Variants in CD55 observed in about 807,000 individuals in gnomAD.
The protein encoded by CD55 is complement decay-accelerating factor.
Under a neutral mutation model 45.8 loss-of-function variants are expected in CD55, and 41 were observed. That is an observed-to-expected ratio of 0.90 (90% CI 0.70 to 1.16). CD55 has a LOEUF of 1.16. CD55 is among the 50% of genes most tolerant of loss of function. The pLI, the probability that CD55 is intolerant of heterozygous loss-of-function variation, is 0.00. For missense variants in CD55, 416 were observed against 469.8 expected (o/e 0.89, Z 1.06); for synonymous variants, 181 against 181.1 (o/e 1.00, Z 0.01).
chr1:207,325,188 A>T (rs1654618092), intron 3 of CD55, among the ~76,000 whole-genome samples: 1 of 152,020 alleles, frequency 6.6e-6, no homozygotes, highest in African/African-American at 2.4e-5. Context: ...TACAAAAACT[A>T]GCTGGGTGTG....
intron 9 of CD55, 117 bp downstream of exon 9, chr1:207,339,534 T>C (rs1655330267): frequency 7.6e-6 from 6 of 790,780 alleles, no homozygotes; most frequent in Non-Finnish European, 1.2e-5. Context: ...CTGCAATTTA[T>C]TTTTAAACTT....
At chr1:207,327,403 C>T (rs1044658501) in intron 5 of CD55, among the ~76,000 whole-genome samples, 5 of 151,928 alleles carry the variant, frequency 3.3e-5, no homozygotes, top group Non-Finnish European at 2.9e-5. Context: ...AAGCTTATAC[C>T]GTCAAGAAGA....
Position 207,322,578 on chromosome 1 carries a change from C to A in CD55, c.286+11C>A, listed in dbSNP as rs1286962479. 6.3e-6 allele frequency: 10 copies of A among 1,586,126 alleles called. No homozygotes were observed. Among genetic ancestry groups the A allele is most frequent in the Non-Finnish European group, 8.6e-6 (10 of 1,169,054 alleles). On this transcript the variant is annotated intron_variant, in intron 2 of 9. Coordinates refer to ENST00000367064, the MANE Select transcript of CD55 (RefSeq NM_000574.5). ...AAGAGTTCTGCAATCGTAAGTTCTT[C>A]ATCTTTTTAGAAAAGTTCTGGGAAT...
intron 9 of CD55, chr1:207,350,083 G>A (rs906537193): frequency 1.1e-5 from 5 of 453,828 alleles, no homozygotes; most frequent in Non-Finnish European, 2.2e-5. Context: ...GTTGAATGTT[G>A]TCAAAAGCCT....
At chr1:207,353,920 T>C in intron 9 of CD55, 1 of 1,256,928 alleles carries the variant, frequency 8.0e-7, no homozygotes, top group Non-Finnish European at 1.1e-6. Flanking sequence ...CTTTATTCTG[T>C]TACATTAAGT....
At chr1:207,325,551 C>G (rs954191678) in intron 3 of CD55, 71 bp from the exon 4 acceptor site, 50 of 869,122 alleles carry the variant, frequency 5.8e-5, no homozygotes, top group South Asian at 2.1e-4. Flanking sequence ...TCTACCACCT[C>G]ACATAGTTAC....
chr1:207,340,742 T>C, intron 9 of CD55: 1 of 463,418 alleles, frequency 2.2e-6, no homozygotes, highest in Non-Finnish European at 3.8e-6. Flanking sequence ...TGAATAGTGC[T>C]TCAATAAATA....
chr1:207,333,059 G>A (rs1655019674), intron 6 of CD55, among the ~76,000 whole-genome samples: 1 of 152,160 alleles, frequency 6.6e-6, no homozygotes, highest in African/African-American at 2.4e-5. Context: ...TTTCCTAAAG[G>A]CCATTTGCAA....
intron 5 of CD55, 111 bp downstream of exon 5, chr1:207,326,948 C>T (rs4844591): frequency 0.69 from 446,198 of 648,604 alleles, 155,984 homozygotes; most frequent in Middle Eastern, 0.81. Context: ...GCAAACCCAC[C>T]TTTCAATATA....
chr1:207,344,970 C>A (rs1343087632), intron 9 of CD55, among the ~76,000 whole-genome samples: 1 of 152,190 alleles, frequency 6.6e-6, no homozygotes, highest in Non-Finnish European at 1.5e-5. Flanking sequence ...CCTGCCTCGG[C>A]CTCCCAAAGT....
intron 5 of CD55, among the ~76,000 whole-genome samples, chr1:207,329,400 A>G (rs1177906927): frequency 6.6e-6 from 1 of 152,114 alleles, no homozygotes; most frequent in Non-Finnish European, 1.5e-5. Flanking sequence ...TTTCATCCAT[A>G]TTTTACCCAG....
chr1:207,321,870 G>A lies in CD55; in HGVS notation c.100+5G>A. On this transcript the variant is annotated splice_donor_5th_base_variant and intron_variant, in intron 1 of 9. Transcript: ENST00000367064. Reference sequence around the variant, plus strand: ...TGTGCCTGCCGGCCGTGTGGGGTGAGTAGGGGCCCGGCGGCCGGGGAAGCC... The same window carrying A: ...TGTGCCTGCCGGCCGTGTGGGGTGAATAGGGGCCCGGCGGCCGGGGAAGCC... 5 of 1,517,744 alleles carry A rather than the reference G, an allele frequency of 3.3e-6. No individual in the cohort carries two copies. Among genetic ancestry groups the A allele is most frequent in the African/African-American group, 2.8e-5 (2 of 71,898 alleles). The allele number at this position is 1,517,744 out of a possible 1,614,324, so 94.0% of individuals were successfully genotyped here. A position where few individuals can be genotyped will look rare whatever the true frequency, so the allele number is the denominator to read the frequency against.
rs192610509 is a variant in CD55 at position 207,342,171 on chromosome 1, G to A, written c.1081+2754G>A. Reference sequence around the variant, plus strand: ...AGGATTTTTTTTTACATATAAAATCGTATCATTAAAAAAGAGGGACAATTT... The same window carrying A: ...AGGATTTTTTTTTACATATAAAATCATATCATTAAAAAAGAGGGACAATTT... On this transcript the variant is annotated intron_variant, in intron 9 of 9. Coordinates refer to ENST00000367064, the MANE Select transcript of CD55 (RefSeq NM_000574.5). Among the ~76,000 whole-genome samples, 303 of 151,532 alleles carry A rather than the reference G, an allele frequency of 2.0e-3. 2 individuals carry two copies. The highest frequency in any genetic ancestry group is 6.5e-3 in the African/African-American group (269 of 41,392).
In CD55 at chr1:207,359,540, T is replaced by TTTTTTTTTG; in HGVS notation, c.1082-4_1082-3insTTTTTTGTT. On this transcript the variant is annotated splice_polypyrimidine_tract_variant and splice_region_variant and intron_variant, in intron 9 of 9. Coordinates refer to ENST00000367064, the MANE Select transcript of CD55 (RefSeq NM_000574.5). ...ACTTTTTTTTTTTTTTTTTTTTAAT[T>TTTTTTTTTG]TTCAGGGCACACGTGTTTCACGTTG... 1 of 1,508,844 alleles carries TTTTTTTTTG rather than the reference T, an allele frequency of 6.6e-7. No individual in the cohort carries two copies. The highest frequency in any genetic ancestry group is 1.6e-5 in the African/African-American group (1 of 63,958). 93.5% of individuals were successfully genotyped at this position (1,508,844 alleles called of 1,614,324 possible). A position where few individuals can be genotyped will look rare whatever the true frequency, so the allele number is the denominator to read the frequency against.
intron 1 of CD55, 46 bp from the exon 2 acceptor site, chr1:207,322,336 G>A (rs1452539813): frequency 1.3e-6 from 2 of 1,516,584 alleles, no homozygotes; most frequent in African/African-American, 1.4e-5. Context: ...GCAACTGTGA[G>A]GACACTTGAT....
At chr1:207,334,653 A>G (rs1472888911) in intron 6 of CD55, among the ~76,000 whole-genome samples, 1 of 151,584 alleles carries the variant, frequency 6.6e-6, no homozygotes, top group East Asian at 1.9e-4. Flanking sequence ...TAGTCTAATA[A>G]ATATTGTGAT....
At chr1:207,327,297 G>A (rs562521978) in intron 5 of CD55, among the ~76,000 whole-genome samples, 111 of 152,256 alleles carry the variant, frequency 7.3e-4, no homozygotes, top group African/African-American at 2.6e-3. Flanking sequence ...AAAATCCAGT[G>A]TTGCCTACAT....
rs1007717774 is a variant in CD55, at chr1:207,360,008, A to T, written c.*398A>T. ...TGAAAAACATTATTTGGATATCAAA[A>T]GCAAATAAAAACCCAATTCAGTCTC... On this transcript the variant is annotated 3_prime_UTR_variant, in exon 10 of 10. Transcript: ENST00000367064. 1 of 155,796 alleles carries T rather than the reference A, an allele frequency of 6.4e-6. No homozygotes were observed. The allele number at this position is 155,796 out of a possible 1,614,324, so 9.7% of individuals were successfully genotyped here.
At chr1:207,343,939 T>G (rs1266513236) in intron 9 of CD55, among the ~76,000 whole-genome samples, 1 of 152,230 alleles carries the variant, frequency 6.6e-6, no homozygotes, top group African/African-American at 2.4e-5. Flanking sequence ...TTTTTACTGT[T>G]TTTTACCTAA....
Sources: gnomAD v4.1 joint callset for allele counts (sites outside exome capture counted in the v4.1 genomes callset) on GRCh38, gnomAD v4.1.1 for gene constraint, MANE v1.5 for transcripts, NCBI Gene and HGNC (gene_info 2026-07-23, HGNC 2026-07-21) for gene names.